The following EDRF1 variants were observed in gnomAD, a reference collection of about 807,000 sequenced individuals.
The protein encoded by EDRF1 is erythroid differentiation-related factor 1.
A neutral mutation model predicts 148.7 loss-of-function variants in EDRF1; 69 were observed. That is an observed-to-expected ratio of 0.46 (90% CI 0.38 to 0.57). EDRF1 has a LOEUF of 0.57. Among genes scored for constraint, EDRF1 ranks in the 20% least tolerant of loss-of-function variants. EDRF1 has a pLI of 0.00. For synonymous variants in EDRF1, 515 were observed against 532.8 expected, an observed-to-expected ratio of 0.97 and a Z score of 0.46; for missense variants, 1,118 against 1,478.7, an observed-to-expected ratio of 0.76 and a Z score of 4.00.
At chr10:125,730,453 T>C in intron 9 of EDRF1, 54 bp downstream of exon 9, 4 of 1,439,016 alleles carry the variant, frequency 2.8e-6, no homozygotes, top group Non-Finnish European at 3.9e-6. Flanking sequence ...GTACAGAGAG[T>C]TCCTCACCAA....
chr10:125,742,387 T>G (rs1187190891), intron 17 of EDRF1: 3 of 1,173,416 alleles, frequency 2.6e-6, no homozygotes, highest in East Asian at 1.3e-4. Flanking sequence ...ATTATGCTCT[T>G]AAATTGTTAT....
chr10:125,719,713 C>A lies in EDRF1; in HGVS notation c.-95C>A, dbSNP rs1180410752. 3 of 895,394 alleles carry A rather than the reference C, an allele frequency of 3.4e-6. No individual in the cohort carries two copies. The South Asian group carries it at 5.4e-5, about 16-fold the overall frequency. The allele number at this position is 895,394 out of a possible 1,614,324, so 55.5% of individuals were successfully genotyped here. A position where few individuals can be genotyped will look rare whatever the true frequency, so the allele number is the denominator to read the frequency against. ...CCTGGCAGAGACCGGAAGTGCGGTC[C>A]GCGGAGCGTCTCTGGCGCTTACCCT... On this transcript the variant is annotated 5_prime_UTR_variant, in exon 1 of 25. Transcript: ENST00000356792.
At chr10:125,749,722 T>G in intron 22 of EDRF1, 157 bp downstream of exon 22, 1 of 803,296 alleles carries the variant, frequency 1.2e-6, no homozygotes, top group Non-Finnish European at 2.0e-6. Flanking sequence ...AATCACTACA[T>G]GTTTTGAAGT....
At chr10:125,729,171 C>T (rs923961651) in intron 7 of EDRF1, 67 bp downstream of exon 7, 3 of 1,495,776 alleles carry the variant, frequency 2.0e-6, no homozygotes. Flanking sequence ...CAAAACTAGC[C>T]TAAGTCGAAA....
In EDRF1 at chr10:125,727,057, G is replaced by A. The variant is rs555025425; in HGVS notation, c.792+1219G>A. Among the ~76,000 whole-genome samples the A allele has an allele frequency of 4.2e-4, 64 of 152,032 alleles. 1 individual carries two copies. Among genetic ancestry groups the A allele is most frequent in the South Asian group, 1.5e-3 (7 of 4,812 alleles). ...CAAGGTTTTTTTTTTCATTCTTGGA[G>A]CTGCGTATTGTACAAATAAGTAAAC... On this transcript the variant is annotated intron_variant, in intron 6 of 24. Coordinates refer to ENST00000356792, the MANE Select transcript of EDRF1 (RefSeq NM_001202438.2).
Position 125,733,676 on chromosome 10 carries a change from C to G in EDRF1, c.1318C>G (p.Leu440Val), listed in dbSNP as rs2133696540. The G allele has an allele frequency of 6.2e-7, 1 of 1,613,574 alleles. No homozygotes were observed. The highest frequency in any genetic ancestry group is 8.5e-7 in the Non-Finnish European group (1 of 1,179,602). Residue 440 changes from leucine (L) to valine (V), a missense_variant, in exon 11 of 25, where the codon CTT becomes GTT. By Grantham distance (32) the Leu-to-Val change is conservative. Around this residue, in one of 3 missense-constraint regions of EDRF1, gnomAD observed 954 missense variants for 1,241.4 expected, o/e 0.77. Coordinates refer to ENST00000356792, the MANE Select transcript of EDRF1 (RefSeq NM_001202438.2). ...AGTGAAGCTCTATGACCTCACTACTCTTTGTGAAGAAACTGAAGACAAATA... is the reference window on the plus strand; with the variant it reads ...AGTGAAGCTCTATGACCTCACTACTGTTTGTGAAGAAACTGAAGACAAATA... ...DIVKLYDLTT[L>V]CEETEDKYQN... is the part of the protein sequence containing the mutation.
chr10:125,748,133 C>G, intron 21 of EDRF1, 121 bp downstream of exon 21: 1 of 1,198,744 alleles, frequency 8.3e-7, no homozygotes, highest in Non-Finnish European at 1.2e-6. Context: ...AACTGCTGTC[C>G]TAAATTTTCT....
chr10:125,752,470 C>T (rs1210720922), intron 22 of EDRF1, among the ~76,000 whole-genome samples: 1 of 152,200 alleles, frequency 6.6e-6, no homozygotes, highest in Non-Finnish European at 1.5e-5. Flanking sequence ...GTGACTTGAC[C>T]ACACAACTGG....
intron 24 of EDRF1, among the ~76,000 whole-genome samples, chr10:125,754,500 C>T (rs919137160): frequency 3.9e-5 from 6 of 152,170 alleles, no homozygotes; most frequent in African/African-American, 7.2e-5. Context: ...TGGAGGGTCT[C>T]GACTGGAGTT....
chr10:125,760,941 T>G (rs906585364), intron 24 of EDRF1, among the ~76,000 whole-genome samples: 2 of 152,254 alleles, frequency 1.3e-5, no homozygotes, highest in Non-Finnish European at 2.9e-5. Flanking sequence ...TAGGAAGATG[T>G]ACACAGCCTA....
chr10:125,729,458 C>T lies in EDRF1; in HGVS notation c.995C>T (p.Pro332Leu). The change falls in exon 8 of 25, where the codon CCA (proline) becomes CTA (leucine). Residue 332 changes from proline to leucine, a missense_variant. Coordinates refer to ENST00000356792, the MANE Select transcript of EDRF1 (RefSeq NM_001202438.2). ...NMPIFGGGRY[P>L]AVSLRLRDNN... ...CCCATATTTGGAGGAGGCAGATACC[C>T]AGCAGTCAGCTTACGTCTCAGGTGA... is the stretch of plus-strand genomic sequence containing the variant. 1 of 1,614,128 alleles carries T rather than the reference C, an allele frequency of 6.2e-7. No individual in the cohort carries two copies. The highest frequency in any genetic ancestry group is 8.5e-7 in the Non-Finnish European group (1 of 1,180,006).
In EDRF1 at chr10:125,743,129, G is replaced by C; in HGVS notation, c.2443G>C (p.Ala815Pro). 1 of 1,613,952 alleles carries C rather than the reference G, an allele frequency of 6.2e-7. No individual in the cohort carries two copies. Among genetic ancestry groups the C allele is most frequent in the Non-Finnish European group, 8.5e-7 (1 of 1,179,942 alleles). Residue 815 changes from alanine to proline, a missense_variant, in exon 18 of 25, where the codon GCT becomes CCT. Physicochemically the swap from Ala to Pro is conservative, Grantham distance 27. Around this residue, in one of 3 missense-constraint regions of EDRF1, gnomAD observed 954 missense variants for 1,241.4 expected, o/e 0.77. Transcript: ENST00000356792. ...QLSVSCKCYEAANEILQFSDL... is the reference protein window; with the variant it reads ...QLSVSCKCYEPANEILQFSDL... The stretch of plus-strand genomic sequence containing the variant: ...CTCTGTTAGTTGTAAATGTTATGAG[G>C]CTGCTAATGAAATCTTGCAGTTTAG...
chr10:125,736,639 T>C (rs745423907), intron 13 of EDRF1, among the ~76,000 whole-genome samples: 2 of 152,126 alleles, frequency 1.3e-5, no homozygotes, highest in African/African-American at 2.4e-5. Context: ...GTCTGTCACC[T>C]TAAAACATTG....
chr10:125,738,240 G>T, intron 14 of EDRF1, 55 bp from the exon 15 acceptor site: 4 of 1,601,276 alleles, frequency 2.5e-6, no homozygotes, highest in Non-Finnish European at 3.4e-6. Context: ...CTTATATTTA[G>T]TTTTCAGTTG....
At chr10:125,732,324 G>C (rs1848515147) in intron 9 of EDRF1, among the ~76,000 whole-genome samples, 1 of 152,182 alleles carries the variant, frequency 6.6e-6, no homozygotes, top group Admixed American at 6.5e-5. Flanking sequence ...TTAGGGACTA[G>C]AATAATGGTG....
chr10:125,725,647 T>C lies in EDRF1; in HGVS notation c.636-35T>C, dbSNP rs777526783. Reference sequence around the variant, plus strand: ...GACTGTTGCATGAAGTTAACTTTAGTAACAGCAATCCTTTTTTATTTCTGG... The same window carrying C: ...GACTGTTGCATGAAGTTAACTTTAGCAACAGCAATCCTTTTTTATTTCTGG... On this transcript the variant is annotated intron_variant, in intron 5 of 24. Coordinates refer to ENST00000356792, the MANE Select transcript of EDRF1 (RefSeq NM_001202438.2). 4.3e-6 allele frequency: 7 copies of C among 1,613,550 alleles called. No individual in the cohort carries two copies. In the South Asian group the frequency reaches 7.7e-5, roughly 18 times the overall value.
At chr10:125,755,299 C>T (rs1289571290) in intron 24 of EDRF1, among the ~76,000 whole-genome samples, 5 of 152,162 alleles carry the variant, frequency 3.3e-5, no homozygotes, top group East Asian at 1.9e-4. Context: ...TAGTGGATTA[C>T]GTTGATTCTT....
chr10:125,743,146 G>A lies in EDRF1; in HGVS notation c.2460G>A (p.Leu820=). ...GTTATGAGGCTGCTAATGAAATCTT[G>A]CAGTTTAGTGACTTGAAAAGCCAAA... ...CKCYEAANEI[L]QFSDLKSQNP... The change falls in exon 18 of 25, where the codon TTG becomes TTA. Residue 820 remains leucine (L), a synonymous_variant. Coordinates refer to ENST00000356792, the MANE Select transcript of EDRF1 (RefSeq NM_001202438.2). The A allele has an allele frequency of 1.2e-6, 2 of 1,613,898 alleles. No individual in the cohort carries two copies. Among genetic ancestry groups the A allele is most frequent in the East Asian group, 2.2e-5 (1 of 44,798 alleles).
At chr10:125,747,448 G>T in intron 19 of EDRF1, 88 bp from the exon 20 acceptor site, 1 of 1,349,698 alleles carries the variant, frequency 7.4e-7, no homozygotes, top group South Asian at 1.2e-5. Flanking sequence ...ATTAACATCT[G>T]GGTAGTTGTG....
Sources: gnomAD v4.1 joint callset for allele counts (sites outside exome capture counted in the v4.1 genomes callset) on GRCh38, gnomAD v4.1.1 for gene constraint, gnomAD v4.1.1 regional missense constraint, MANE v1.5 for transcripts, NCBI Gene and HGNC (gene_info 2026-07-23, HGNC 2026-07-21) for gene names.